Variants in CASP5 observed in about 807,000 individuals in gnomAD.
CASP5 encodes the protein caspase 5, also known as caspase-5.
CASP5 carries 42 observed loss-of-function variants against 45.2 expected under a neutral mutation model. That is an observed-to-expected ratio of 0.93 (90% confidence interval 0.73 to 1.20). The LOEUF (loss-of-function observed/expected upper bound fraction) is 1.20. CASP5 is among the 50% of genes most tolerant of loss of function. The pLI, the probability that CASP5 is intolerant of heterozygous loss-of-function variation, is 0.00. For synonymous variants in CASP5, 209 were observed against 186.2 expected, an observed-to-expected ratio of 1.12 and a Z score of -1.00; for missense variants, 512 against 532.2, an observed-to-expected ratio of 0.96 and a Z score of 0.37.
At chr11:104,995,630 A>C in intron 9 of CASP5, 110 bp downstream of exon 9, 4 of 653,704 alleles carry the variant, frequency 6.1e-6, no homozygotes, top group Non-Finnish European at 5.4e-6. Flanking sequence ...CTACATCAAT[A>C]AAGAACACTA....
chr11:105,006,735 A>G (rs1403621532), intron 3 of CASP5, among the ~76,000 whole-genome samples: 2 of 152,178 alleles, frequency 1.3e-5, no homozygotes, highest in African/African-American at 4.8e-5. Context: ...CACAGGTGGT[A>G]AGACTGATGA....
At chr11:104,997,601 C>T (rs1565379299) in intron 7 of CASP5, 109 bp from the exon 8 acceptor site, 2 of 591,190 alleles carry the variant, frequency 3.4e-6, no homozygotes, top group African/African-American at 1.9e-5. Context: ...TTATGGAAAT[C>T]CCTTATAACC....
At chr11:105,004,263 C>T (rs1861894742) in intron 3 of CASP5, among the ~76,000 whole-genome samples, 1 of 152,124 alleles carries the variant, frequency 6.6e-6, no homozygotes, top group East Asian at 1.9e-4. Context: ...CATCTTGTCT[C>T]TAAACTGCTG....
intron 5 of CASP5, among the ~76,000 whole-genome samples, chr11:105,001,105 T>C (rs974461618): frequency 5.9e-5 from 9 of 152,196 alleles, no homozygotes; most frequent in Admixed American, 3.3e-4. Flanking sequence ...CAGAGGCTTT[T>C]CTGGACCAAC....
intron 3 of CASP5, 126 bp downstream of exon 3, chr11:105,006,957 A>G (rs571054487): frequency 2.4e-6 from 2 of 850,642 alleles, no homozygotes; most frequent in South Asian, 1.7e-5. Flanking sequence ...GGATGATGAC[A>G]TGTTTACTGA....
At chr11:105,004,005 A>G (rs1276986814) in intron 3 of CASP5, among the ~76,000 whole-genome samples, 1 of 152,154 alleles carries the variant, frequency 6.6e-6, no homozygotes, top group Non-Finnish European at 1.5e-5. Flanking sequence ...TTCACACCAC[A>G]TACAGATACA....
chr11:105,009,876 C>CACATATATATACACATATAT (rs1464198037), intron 1 of CASP5, among the ~76,000 whole-genome samples: 4 of 140,000 alleles, frequency 2.9e-5, no homozygotes, highest in Admixed American at 7.3e-5. Flanking sequence ...TATATATACA[C>CACATATATATACACATATAT]ACATATATAT....
In CASP5 at chr11:105,000,382, C is replaced by T. The variant is rs778906548; in HGVS notation, c.831G>A (p.Ala277=). The T allele has an allele frequency of 1.6e-5, 26 of 1,614,012 alleles. No homozygotes were observed. Among genetic ancestry groups the T allele is most frequent in the Middle Eastern group, 3.3e-4 (2 of 6,084 alleles). ...HGILEGICGT[A]HKKKKPDVLL... ...GCACATCCGGTTTTTTCTTTTTATG[C>T]GCAGTTCCGCAGATTCCCTCTAGGA... is the stretch of plus-strand genomic sequence containing the variant. The change falls in exon 6 of 10, where the codon GCG becomes GCA. Residue 277 remains alanine (A), a synonymous_variant. Coordinates refer to ENST00000260315, the MANE Select transcript of CASP5 (RefSeq NM_004347.5).
At position 105,003,284 on chromosome 11, in the gene CASP5, T is replaced by TG; in HGVS notation, c.532_533insC (p.Asn178ThrfsTer3). ...CAGAGAGCACAGCACCTCATCATGATTTTTTTTACACAGTCTCAGGAATTC... is the reference window on the plus strand; with the variant it reads ...CAGAGAGCACAGCACCTCATCATGATGTTTTTTTACACAGTCTCAGGAATTC... On this transcript the variant is annotated frameshift_variant, in exon 4 of 10. Coordinates refer to ENST00000260315, the MANE Select transcript of CASP5 (RefSeq NM_004347.5). LOFTEE classifies it high-confidence loss of function. The TG allele has an allele frequency of 6.3e-7, 1 of 1,579,990 alleles. No individual in the cohort carries two copies. Among genetic ancestry groups the TG allele is most frequent in the Non-Finnish European group, 8.7e-7 (1 of 1,152,818 alleles).
chr11:104,997,029 C>T (rs984116173), intron 8 of CASP5, among the ~76,000 whole-genome samples: 4 of 152,172 alleles, frequency 2.6e-5, no homozygotes, highest in Non-Finnish European at 4.4e-5. Flanking sequence ...ATGCAAGCCT[C>T]ATTTACCCCT....
chr11:104,995,686 C>G (rs1035839303), intron 9 of CASP5, 54 bp downstream of exon 9: 12 of 1,165,676 alleles, frequency 1.0e-5, no homozygotes, highest in Non-Finnish European at 1.4e-5. Flanking sequence ...TTGAACTTCA[C>G]CACCGATATA....
chr11:105,012,895 T>A (rs539591590), intron 1 of CASP5, among the ~76,000 whole-genome samples: 1 of 152,088 alleles, frequency 6.6e-6, no homozygotes, highest in East Asian at 1.9e-4. Flanking sequence ...ATTAAAAATG[T>A]TAAAAATGAT....
At chr11:105,012,895 T>C (rs539591590) in intron 1 of CASP5, among the ~76,000 whole-genome samples, 1 of 151,970 alleles carries the variant, frequency 6.6e-6, no homozygotes, top group South Asian at 2.1e-4. Flanking sequence ...ATTAAAAATG[T>C]TAAAAATGAT....
chr11:105,005,197 TCTCAGGAATCTG>T (rs1306632757), intron 3 of CASP5, among the ~76,000 whole-genome samples: 5 of 152,142 alleles, frequency 3.3e-5, no homozygotes, highest in African/African-American at 9.7e-5. Context: ...AACAGGAATC[TCTCAGGAATCTG>T]CTCAGGAATC....
At chr11:105,021,016 C>T (rs1862928880) in intron 1 of CASP5, among the ~76,000 whole-genome samples, 1 of 152,032 alleles carries the variant, frequency 6.6e-6, no homozygotes, top group South Asian at 2.1e-4. Context: ...ATATCTACAA[C>T]TATCTGATCT....
At chr11:105,005,356 A>ATGTG (rs5794366) in intron 3 of CASP5, among the ~76,000 whole-genome samples, 4,582 of 139,264 alleles carry the variant, frequency 0.033, 101 homozygotes, top group Admixed American at 0.07. Flanking sequence ...GTATATATAT[A>ATGTG]TGTGTGTGTG....
Position 105,008,878 on chromosome 11 carries a change from T to C in CASP5, c.110A>G (p.Asn37Ser). The stretch of plus-strand genomic sequence containing the variant: ...GATAGATGTTTGTCCAGCCACGTTG[T>C]TCTTTAGCATGTGGTTTATCACGAA... ...DNFVINHMLK[N>S]NVAGQTSIQT... Residue 37 changes from asparagine (N) to serine (S), a missense_variant, in exon 2 of 10, where the codon AAC becomes AGC. By Grantham distance (46) the Asn-to-Ser change is conservative. Coordinates refer to ENST00000260315, the MANE Select transcript of CASP5 (RefSeq NM_004347.5). The C allele has an allele frequency of 6.2e-7, 1 of 1,613,304 alleles. No homozygotes were observed. Among genetic ancestry groups the C allele is most frequent in the Non-Finnish European group, 8.5e-7 (1 of 1,179,426 alleles).
Position 105,008,824 on chromosome 11 carries a change from T to A in CASP5, c.164A>T (p.Lys55Met). ...AGTCTTACTTTTTACACTGGTCGAC[T>A]TTTGATCCGTATTAGGTACTAGGGT... ...IQTLVPNTDQ[K>M]STSVKKDNHK... The change falls in exon 2 of 10, where the codon AAG becomes ATG. Residue 55 changes from lysine (K) to methionine (M), a missense_variant. Lys to Met is a moderately conservative substitution (Grantham distance 95, BLOSUM62 -1). Transcript: ENST00000260315. The A allele has an allele frequency of 3.1e-6, 5 of 1,608,384 alleles. No homozygotes were observed. Among genetic ancestry groups the A allele is most frequent in the Non-Finnish European group, 4.2e-6 (5 of 1,177,078 alleles).
At chr11:105,015,653 C>T (rs898840531) in intron 1 of CASP5, among the ~76,000 whole-genome samples, 5 of 151,934 alleles carry the variant, frequency 3.3e-5, no homozygotes, top group East Asian at 1.9e-4. Flanking sequence ...CTCCAGTCTA[C>T]GACCAGTAAA....
Sources: allele counts gnomAD v4.1 joint callset (sites outside exome capture counted in the v4.1 genomes callset), GRCh38; gene constraint gnomAD v4.1.1; transcripts MANE v1.5; gene names NCBI Gene and HGNC (gene_info 2026-07-23, HGNC 2026-07-21).